The following MRPL28 variants were observed in gnomAD, a reference collection of about 807,000 sequenced individuals.
The protein encoded by MRPL28 is large ribosomal subunit protein bL28m.
In MRPL28, 25 loss-of-function variants were observed where a neutral mutation model predicts 26.2. The ratio of observed to expected loss-of-function variants is 0.95; its 90% CI spans 0.69 to 1.33. MRPL28 has a LOEUF of 1.33. Among genes scored for constraint, MRPL28 ranks in the 40% most tolerant of loss-of-function variants. The pLI, the probability that MRPL28 is intolerant of heterozygous loss-of-function variation, is 0.00. For synonymous variants in MRPL28, 227 were observed against 140.1 expected (o/e 1.62, Z -4.38); for missense variants, 432 against 327.2 (o/e 1.32, Z -2.47).
Position 367,565 on chromosome 16 carries a change from A to C in MRPL28, c.*110T>G, listed in dbSNP as rs58798104. The C allele has an allele frequency of 1.2e-3, 1,192 of 972,108 alleles. 11 individuals are homozygous for C. In the African/African-American group the frequency reaches 0.017, roughly 14 times the overall value. 60.2% of individuals were successfully genotyped at this position (972,108 alleles called of 1,614,324 possible). On this transcript the variant is annotated 3_prime_UTR_variant, in exon 6 of 6. Coordinates refer to ENST00000199706, the MANE Select transcript of MRPL28 (RefSeq NM_006428.5). ...TGGGCAGCACACGAAACCAGGATCCACCCACTGCCCACCGGTGGCCCTCAC... is the reference window on the plus strand; with the variant it reads ...TGGGCAGCACACGAAACCAGGATCCCCCCACTGCCCACCGGTGGCCCTCAC...
rs748578687 is a variant in MRPL28 at position 367,520 on chromosome 16, G to A, written c.*155C>T. 2.6e-6 allele frequency: 2 copies of A among 758,414 alleles called. No individual in the cohort carries two copies. The highest frequency in any genetic ancestry group is 3.0e-5 in the South Asian group (2 of 67,406). 47.0% of individuals were successfully genotyped at this position (758,414 alleles called of 1,614,324 possible). ...CCTCCTGGGGATCCCTGCCAAGCTG[G>A]CCCCGGGCTGGAAGGTGCATGGGCA... On this transcript the variant is annotated 3_prime_UTR_variant, in exon 6 of 6. Transcript: ENST00000199706.
chr16:369,924 G>T lies in MRPL28; in HGVS notation c.288+7C>A. The T allele has an allele frequency of 6.2e-7, 1 of 1,605,738 alleles. No individual in the cohort carries two copies. On this transcript the variant is annotated splice_region_variant and intron_variant, in intron 2 of 5. Transcript: ENST00000199706. ...GAGGAGCCCCTGAAGGCCGCCTGCG[G>T]ACCCACCTTGTCGTTGTTGGCATAT...
At chr16:369,670 C>G in intron 2 of MRPL28, 1 of 687,048 alleles carries the variant, frequency 1.5e-6, no homozygotes, top group Non-Finnish European at 2.6e-6. Flanking sequence ...AGGCCTCCTC[C>G]CCATCCTAAC....
intron 3 of MRPL28, 125 bp downstream of exon 3, chr16:368,943 G>A (rs992676416): frequency 2.0e-5 from 25 of 1,261,120 alleles, no homozygotes; most frequent in East Asian, 5.0e-5. Flanking sequence ...CCCCACTCAC[G>A]CTTTCCCAGT....
chr16:368,298 G>A, intron 5 of MRPL28, 30 bp downstream of exon 5: 1 of 1,609,082 alleles, frequency 6.2e-7, no homozygotes, highest in South Asian at 1.1e-5. Context: ...GCTCTGGGCA[G>A]GCAGCATCGG....
chr16:368,217 GC>G lies in MRPL28; in HGVS notation c.663+110del, dbSNP rs1439085424. The G allele has an allele frequency of 3.1e-6, 4 of 1,297,694 alleles. No homozygotes were observed. In the African/African-American group the frequency reaches 5.8e-5, roughly 19 times the overall value. The allele number at this position is 1,297,694 out of a possible 1,614,324, so 80.4% of individuals were successfully genotyped here. On this transcript the variant is annotated intron_variant, in intron 5 of 5. Coordinates refer to ENST00000199706, the MANE Select transcript of MRPL28 (RefSeq NM_006428.5). ...ATGCAGAGCAGCAGCTCTTCCCCAA[GC>G]CCACCCAGTGCACCAGCCCCTTGTG...
At chr16:369,375 C>A in intron 2 of MRPL28, 155 bp from the exon 3 acceptor site, 1 of 937,540 alleles carries the variant, frequency 1.1e-6, no homozygotes. Flanking sequence ...GGCCCCCAGC[C>A]CAGTGCCGCC....
rs2054274427 is a variant in MRPL28 at position 367,829 on chromosome 16, G to C, written c.664-47C>G. 4 of 1,537,830 alleles carry C rather than the reference G, an allele frequency of 2.6e-6. No individual in the cohort carries two copies. In the East Asian group the frequency reaches 9.0e-5, roughly 35 times the overall value. On this transcript the variant is annotated intron_variant, in intron 5 of 5. Coordinates refer to ENST00000199706, the MANE Select transcript of MRPL28 (RefSeq NM_006428.5). ...GGTGAGGCCAGGGAAGCCCAGGGCA[G>C]CTGGAGTTCCGACGGGGATGGGATC...
chr16:369,022 GC>G, intron 3 of MRPL28, 45 bp downstream of exon 3: 1 of 1,593,940 alleles, frequency 6.3e-7, no homozygotes, highest in East Asian at 2.2e-5. Context: ...AGTCTGACTG[GC>G]CCATCCCAGA....
At chr16:369,894 CCT>C in intron 2 of MRPL28, 35 bp downstream of exon 2, 1 of 1,582,906 alleles carries the variant, frequency 6.3e-7, no homozygotes, top group Non-Finnish European at 8.6e-7. Context: ...ACAGCCAAGC[CCT>C]GAGAGGAGCC....
At chr16:368,186 TG>T in intron 5 of MRPL28, 141 bp downstream of exon 5, 2 of 958,650 alleles carry the variant, frequency 2.1e-6, no homozygotes, top group Non-Finnish European at 3.2e-6. Flanking sequence ...CTCCTCTGGG[TG>T]GGCAATGCAG....
In MRPL28 at chr16:367,759, G is replaced by A. The variant is rs138615333; in HGVS notation, c.687C>T (p.Ile229=). The A allele has an allele frequency of 1.2e-6, 2 of 1,613,728 alleles. No homozygotes were observed. Among genetic ancestry groups the A allele is most frequent in the Non-Finnish European group, 1.7e-6 (2 of 1,180,010 alleles). The stretch of plus-strand genomic sequence containing the variant: ...GCTGCTGGATCAGCTCCGCCACATA[G>A]ATCTTGAACAGGGGTACAGGGTCCT... ...EEKDPVPLFK[I]YVAELIQQLQ... The change falls in exon 6 of 6, where the codon ATC becomes ATT. Residue 229 remains isoleucine (I), a synonymous_variant. Transcript: ENST00000199706.
chr16:368,543 G>C lies in MRPL28; in HGVS notation c.534C>G (p.Pro178=), dbSNP rs373081652. Reference sequence around the variant, plus strand: ...TGGCTGCCCGCCGCTCGGGGTCCTCGGGGTGCAGCTGGGGGTCCTGCCGGG... The same window carrying C: ...TGGCTGCCCGCCGCTCGGGGTCCTCCGGGTGCAGCTGGGGGTCCTGCCGGG... ...RLARQDPQLH[P]EDPERRAAIY... Residue 178 remains proline, a synonymous_variant, in exon 4 of 6, where the codon CCC becomes CCG. Transcript: ENST00000199706. 9 of 1,596,118 alleles carry C rather than the reference G, an allele frequency of 5.6e-6. No individual in the cohort carries two copies. Among genetic ancestry groups the C allele is most frequent in the African/African-American group, 1.3e-5 (1 of 74,658 alleles).
chr16:367,663 G>A lies in MRPL28; in HGVS notation c.*12C>T, dbSNP rs2054271675. The A allele has an allele frequency of 3.1e-6, 5 of 1,609,692 alleles. No individual in the cohort carries two copies. Among genetic ancestry groups the A allele is most frequent in the South Asian group, 1.1e-5 (1 of 90,940 alleles). ...GCTGGGCCTGTTGGTCAGGCATGGA[G>A]GAGCTGTGTGGTCACTGGCCACTGG... On this transcript the variant is annotated 3_prime_UTR_variant, in exon 6 of 6. Coordinates refer to ENST00000199706, the MANE Select transcript of MRPL28 (RefSeq NM_006428.5).
chr16:367,510 T>C lies in MRPL28; in HGVS notation c.*165A>G. On this transcript the variant is annotated 3_prime_UTR_variant, in exon 6 of 6. Transcript: ENST00000199706. ...GCGGCCCAGGCCTCCTGGGGATCCC[T>C]GCCAAGCTGGCCCCGGGCTGGAAGG... The C allele has an allele frequency of 1.3e-6, 1 of 745,646 alleles. No homozygotes were observed. The highest frequency in any genetic ancestry group is 2.4e-6 in the Non-Finnish European group (1 of 415,842). 46.2% of individuals were successfully genotyped at this position (745,646 alleles called of 1,614,324 possible). A position where few individuals can be genotyped will look rare whatever the true frequency, so the allele number is the denominator to read the frequency against.
Position 370,155 on chromosome 16 carries a change from A to G in MRPL28, c.64T>C (p.Ser22Pro). ...CGCAGGTAGTGGCCGGGCAGGCGGG[A>G]ACAGATGCCCTCCCGCAGCTGCAGC... ...KRLQLREGIC[S>P]RLPGHYLRSL... Residue 22 changes from serine (S) to proline (P), a missense_variant, in exon 2 of 6, where the codon TCC becomes CCC. Physicochemically the swap from Ser to Pro is moderately conservative, Grantham distance 74. Coordinates refer to ENST00000199706, the MANE Select transcript of MRPL28 (RefSeq NM_006428.5). 2 of 1,601,646 alleles carry G rather than the reference A, an allele frequency of 1.2e-6. No individual in the cohort carries two copies. Among genetic ancestry groups the G allele is most frequent in the Non-Finnish European group, 1.7e-6 (2 of 1,176,342 alleles).
chr16:368,720 C>T (rs896529351), intron 3 of MRPL28, 85 bp from the exon 4 acceptor site: 33 of 1,504,012 alleles, frequency 2.2e-5, no homozygotes, highest in Middle Eastern at 2.4e-4. Flanking sequence ...CCTCTCTAGC[C>T]GCTGGTGGTC....
chr16:369,446 C>T (rs749079179), intron 2 of MRPL28: 9 of 624,786 alleles, frequency 1.4e-5, no homozygotes, highest in Admixed American at 8.0e-5. Context: ...ACAAGCTGGG[C>T]GTTCCCGCCC....
rs747985388 is a variant in MRPL28 at position 369,222 on chromosome 16, T to A, written c.289-2A>T. On this transcript the variant is annotated splice_acceptor_variant, in intron 2 of 5. Transcript: ENST00000199706. LOFTEE classifies it high-confidence loss of function. ...CACTTTCTTCAGCCTCTTGGAGAGCTGAGGGTGCAACAGAGCCTCCATGAG... is the reference window on the plus strand; with the variant it reads ...CACTTTCTTCAGCCTCTTGGAGAGCAGAGGGTGCAACAGAGCCTCCATGAG... The A allele has an allele frequency of 5.0e-6, 8 of 1,613,800 alleles. No individual in the cohort carries two copies. In the Admixed American group the frequency reaches 1.3e-4, roughly 27 times the overall value.
Sources: allele counts gnomAD v4.1 joint callset, GRCh38; gene constraint gnomAD v4.1.1; transcripts MANE v1.5; gene names NCBI Gene and HGNC (gene_info 2026-07-23, HGNC 2026-07-21).